DNAH1: variants seen among roughly 807,000 people sequenced by gnomAD.
The protein encoded by DNAH1 is dynein axonemal heavy chain 1.
In DNAH1, 327 loss-of-function variants were observed where a neutral mutation model predicts 484.3. The observed-to-expected ratio is 0.68, with a 90% CI of 0.62 to 0.74. DNAH1 has a LOEUF of 0.74. Ranked by LOEUF, DNAH1 falls within the 30% of genes least tolerant of loss-of-function variation. The pLI, the probability that DNAH1 is intolerant of heterozygous loss-of-function variation, is 0.00. For missense variants in DNAH1, 5,052 were observed against 5,546.8 expected, an observed-to-expected ratio of 0.91 and a Z score of 2.83; for synonymous variants, 2,192 against 2,191.9, an observed-to-expected ratio of 1.00 and a Z score of 0.00.
At chr3:52,377,598 A>G (rs935118825) in intron 46 of DNAH1, among the ~76,000 whole-genome samples, 2 of 151,942 alleles carry the variant, frequency 1.3e-5, no homozygotes, top group African/African-American at 4.8e-5. Flanking sequence ...GCCCTGCCTC[A>G]TCCTCTGATC....
At position 52,350,581 on chromosome 3, in the gene DNAH1, TCA is replaced by T. The variant is rs1208612849; in HGVS notation, c.2721_2722del (p.Phe907LeufsTer2). 6.2e-7 allele frequency: 1 copy of T among 1,613,576 alleles called. No homozygotes were observed. The highest frequency in any genetic ancestry group is 1.3e-5 in the African/African-American group (1 of 74,890). On this transcript the variant is annotated frameshift_variant, in exon 16 of 78. Coordinates refer to ENST00000420323, the MANE Select transcript of DNAH1 (RefSeq NM_015512.5). LOFTEE classifies it high-confidence loss of function. ...CTCTACAACCTCAGCTCAGATGACT[TCA>T]ATGACAAGTGAGTGGGAGCTTGGCC...
chr3:52,344,535 C>T lies in DNAH1; in HGVS notation c.1332C>T (p.Asp444=). 3.7e-6 allele frequency: 6 copies of T among 1,614,022 alleles called. No individual in the cohort carries two copies. The highest frequency in any genetic ancestry group is 5.1e-6 in the Non-Finnish European group (6 of 1,179,868). ...GTCTTGCCAGAGAAGTGAGCCTGGA[C>T]TATGAGCGCAGCATGAACAAGATCA... ...LSSLAREVSL[D]YERSMNKINF... is the part of the protein sequence containing the mutation. Residue 444 remains aspartate (D), a synonymous_variant, in exon 9 of 78, where the codon GAC becomes GAT. Coordinates refer to ENST00000420323, the MANE Select transcript of DNAH1 (RefSeq NM_015512.5).
intron 50 of DNAH1, 57 bp from the exon 51 acceptor site, chr3:52,383,329 T>C: frequency 6.7e-7 from 1 of 1,492,170 alleles, no homozygotes; most frequent in Admixed American, 1.7e-5. Flanking sequence ...AGCGAGACTG[T>C]GGTCATATAG....
Position 52,322,684 on chromosome 3 carries a change from C to A in DNAH1, c.242C>A (p.Pro81His), listed in dbSNP as rs1295163074. 1.2e-6 allele frequency: 2 copies of A among 1,613,864 alleles called. No individual in the cohort carries two copies. The highest frequency in any genetic ancestry group is 8.5e-7 in the Non-Finnish European group (1 of 1,179,838). The change falls in exon 2 of 78, where the codon CCC becomes CAC. Residue 81 changes from proline (P) to histidine (H), a missense_variant. This residue lies in a region of DNAH1 where 1,263 missense variants were observed against 1,218.8 expected (regional missense o/e 1.04). Transcript: ENST00000420323. Reference sequence around the variant, plus strand: ...GACTTGGGGCAGCCACGGAAGTCACCCCTGACAGGCACTGATAAGAAGTAC... The same window carrying A: ...GACTTGGGGCAGCCACGGAAGTCACACCTGACAGGCACTGATAAGAAGTAC... ...LSDLGQPRKS[P>H]LTGTDKKYPL... is the part of the protein sequence containing the mutation.
chr3:52,333,847 A>G (rs966489220), intron 8 of DNAH1, among the ~76,000 whole-genome samples: 1 of 152,202 alleles, frequency 6.6e-6, no homozygotes, highest in African/African-American at 2.4e-5. Flanking sequence ...GCTTTGTGTT[A>G]CATAATTTTG....
At chr3:52,329,186 A>T (rs923640706) in intron 6 of DNAH1, among the ~76,000 whole-genome samples, 4 of 152,196 alleles carry the variant, frequency 2.6e-5, no homozygotes, top group African/African-American at 9.7e-5. Context: ...AGCAGCCTCC[A>T]TCGAGGTGCT....
At chr3:52,335,965 A>ATTT (rs934737700) in intron 8 of DNAH1, among the ~76,000 whole-genome samples, 7 of 151,944 alleles carry the variant, frequency 4.6e-5, no homozygotes, top group African/African-American at 1.7e-4. Flanking sequence ...AGAATTATTC[A>ATTT]TTTTTTTCCT....
At chr3:52,370,658 G>A (rs1703296634) in intron 40 of DNAH1, 23 bp downstream of exon 40, 1 of 1,603,944 alleles carries the variant, frequency 6.2e-7, no homozygotes, top group South Asian at 1.1e-5. Context: ...GGCCCCCAGG[G>A]ACCAGGAGCC....
At chr3:52,312,338 G>T (rs544507021), upstream of DNAH1, among the ~76,000 whole-genome samples, 1 of 152,060 alleles carries the variant, frequency 6.6e-6, no homozygotes, top group Non-Finnish European at 1.5e-5. Context: ...TTTCAGGGCC[G>T]CATCTGTTGG....
At chr3:52,366,986 C>G in intron 36 of DNAH1, 99 bp downstream of exon 36, 1 of 1,407,988 alleles carries the variant, frequency 7.1e-7, no homozygotes, top group South Asian at 1.4e-5. Context: ...AGTGGAAGGC[C>G]GGGCTCTGCA....
Position 52,363,049 on chromosome 3 carries a change from ATCTC to A in DNAH1, c.5150_5153del (p.Ile1717ThrfsTer38). ...TCCAGATTACGCCATGATCACTGAGATCTCCCTCTATTCCTTTGGCTTTAATGAG... is the reference window on the plus strand; with the variant it reads ...TCCAGATTACGCCATGATCACTGAGACCTCTATTCCTTTGGCTTTAATGAG... On this transcript the variant is annotated frameshift_variant, in exon 32 of 78. Transcript: ENST00000420323. LOFTEE classifies it high-confidence loss of function. 6.2e-7 allele frequency: 1 copy of A among 1,613,906 alleles called. No individual in the cohort carries two copies. Among genetic ancestry groups the A allele is most frequent in the South Asian group, 1.1e-5 (1 of 91,082 alleles).
intron 8 of DNAH1, among the ~76,000 whole-genome samples, chr3:52,334,317 C>T (rs1701659348): frequency 6.6e-6 from 1 of 152,140 alleles, no homozygotes. Flanking sequence ...AAGGCACTTA[C>T]CATGAATGGA....
rs1231566823 is a variant in DNAH1, at chr3:52,345,678, A to C, written c.1628A>C (p.Glu543Ala). Residue 543 changes from glutamate to alanine, a missense_variant, in exon 10 of 78, where the codon GAG becomes GCG. Physicochemically the swap from Glu to Ala is moderately radical, Grantham distance 107. Coordinates refer to ENST00000420323, the MANE Select transcript of DNAH1 (RefSeq NM_015512.5). ...AAGTACAGCCACCTGGAGGAATTTG[A>C]GCAGATCCAGTCACAGACCTTCTCC... Reference protein sequence around the residue: ...LSKYSHLEEFEQIQSQTFSQV... With the variant: ...LSKYSHLEEFAQIQSQTFSQV... 6.2e-7 allele frequency: 1 copy of C among 1,612,980 alleles called. No individual in the cohort carries two copies. Among genetic ancestry groups the C allele is most frequent in the East Asian group, 2.2e-5 (1 of 44,848 alleles).
In DNAH1 at chr3:52,395,589, G is replaced by A; in HGVS notation, c.11170G>A (p.Gly3724Ser). 6.2e-7 allele frequency: 1 copy of A among 1,613,826 alleles called. No homozygotes were observed. The highest frequency in any genetic ancestry group is 1.1e-5 in the South Asian group (1 of 91,084). ...EAMMRSSIER[G>S]KWVFFQNCHL... Reference sequence around the variant, plus strand: ...CATGATGCGCAGCTCCATAGAGAGGGGCAAATGGGTCTTCTTCCAGAACTG... The same window carrying A: ...CATGATGCGCAGCTCCATAGAGAGGAGCAAATGGGTCTTCTTCCAGAACTG... Residue 3724 changes from glycine (G) to serine (S), a missense_variant, in exon 70 of 78, where the codon GGC (glycine) becomes AGC (serine). This residue lies in a region of DNAH1 where 853 missense variants were observed against 899.0 expected (regional missense o/e 0.95). Coordinates refer to ENST00000420323, the MANE Select transcript of DNAH1 (RefSeq NM_015512.5). The surrounding 1 kb of genome is among the most constrained non-coding windows in gnomAD (Gnocchi z 4.4).
At chr3:52,334,820 T>A (rs751823355) in intron 8 of DNAH1, among the ~76,000 whole-genome samples, 1 of 151,788 alleles carries the variant, frequency 6.6e-6, no homozygotes, top group Non-Finnish European at 1.5e-5. Context: ...ATTAATTAAC[T>A]AACTTTAGCT....
chr3:52,397,041 C>T lies in DNAH1; in HGVS notation c.11784C>T (p.Leu3928=), dbSNP rs1488797519. The T allele has an allele frequency of 5.6e-6, 9 of 1,599,956 alleles. No homozygotes were observed. The African/African-American group carries it at 8.1e-5, about 14-fold the overall frequency. ...IYHQIPPTYD[L]HGYLSYIKSL... ...ACCAGATCCCGCCTACCTACGACCTCCACGTGAGTCCAGCCCAAAGGGCTG... is the reference window on the plus strand; with the variant it reads ...ACCAGATCCCGCCTACCTACGACCTTCACGTGAGTCCAGCCCAAAGGGCTG... Residue 3928 remains leucine (L), a synonymous_variant, in exon 73 of 78, where the codon CTC becomes CTT. Coordinates refer to ENST00000420323, the MANE Select transcript of DNAH1 (RefSeq NM_015512.5).
At chr3:52,369,746 C>G in intron 37 of DNAH1, 79 bp from the exon 38 acceptor site, 1 of 1,475,634 alleles carries the variant, frequency 6.8e-7, no homozygotes, top group Admixed American at 2.0e-5. Flanking sequence ...TGTGCAGCCC[C>G]TCCCCGCAGC....
chr3:52,337,519 C>G (rs911501638), intron 8 of DNAH1, among the ~76,000 whole-genome samples: 1 of 152,136 alleles, frequency 6.6e-6, no homozygotes, highest in Admixed American at 6.5e-5. Context: ...AAACCTTTTT[C>G]TTGTAATAAG....
At position 52,362,994 on chromosome 3, in the gene DNAH1, G is replaced by A; in HGVS notation, c.5095-1G>A. ...GTTCACATGTGCACTGTGTGTCCCA[G>A]GCGCTCTTCCGACCCGTGGCCATGA... On this transcript the variant is annotated splice_acceptor_variant, in intron 31 of 77. Coordinates refer to ENST00000420323, the MANE Select transcript of DNAH1 (RefSeq NM_015512.5). LOFTEE classifies it high-confidence loss of function. This position sits in a 1 kb window ranked among gnomAD's most constrained non-coding sequence, Gnocchi z 5.1. 3.7e-6 allele frequency: 6 copies of A among 1,613,896 alleles called. No individual in the cohort carries two copies. Among genetic ancestry groups the A allele is most frequent in the Non-Finnish European group, 5.1e-6 (6 of 1,179,832 alleles).
Sources: allele counts gnomAD v4.1 joint callset (sites outside exome capture counted in the v4.1 genomes callset), GRCh38; gene constraint gnomAD v4.1.1; regional missense constraint gnomAD v4.1.1; non-coding constraint Gnocchi (gnomAD v3.1); transcripts MANE v1.5; gene names NCBI Gene and HGNC (gene_info 2026-07-23, HGNC 2026-07-21).